Variants in RBBP8 observed in about 807,000 individuals in gnomAD.
RBBP8 encodes RB binding protein 8, endonuclease.
In RBBP8, 88 loss-of-function variants were observed where a neutral mutation model predicts 108.3. The observed-to-expected ratio is 0.81, with a 90% CI of 0.68 to 0.97. The LOEUF is 0.97. RBBP8 is among the 50% of genes least tolerant of loss of function. RBBP8 has a pLI of 0.00. For synonymous variants in RBBP8, 332 were observed against 348.2 expected, an observed-to-expected ratio of 0.95 and a Z score of 0.52; for missense variants, 1,023 against 1,049.0, an observed-to-expected ratio of 0.98 and a Z score of 0.34.
chr18:22,989,138 T>C, intron 8 of RBBP8, 83 bp from the exon 9 acceptor site: 2 of 972,570 alleles, frequency 2.1e-6, no homozygotes, highest in Non-Finnish European at 1.6e-6. Flanking sequence ...CCTTCATCTT[T>C]TGTCATTTTA....
At chr18:22,919,731 T>C (rs1391917470) in intron 3 of RBBP8, among the ~76,000 whole-genome samples, 1 of 152,092 alleles carries the variant, frequency 6.6e-6, no homozygotes, top group Non-Finnish European at 1.5e-5. Flanking sequence ...TTTGCATTTT[T>C]AGTACAGATG....
intron 5 of RBBP8, among the ~76,000 whole-genome samples, chr18:22,974,526 A>G (rs1283821820): frequency 6.6e-6 from 1 of 152,098 alleles, no homozygotes; most frequent in East Asian, 1.9e-4. Flanking sequence ...CAGTGGCACT[A>G]TTTTGGCTCA....
upstream of RBBP8, among the ~76,000 whole-genome samples, chr18:22,929,850 T>C (rs147799103): frequency 9.7e-3 from 1,470 of 151,886 alleles, 22 homozygotes; most frequent in African/African-American, 0.034. Flanking sequence ...GGACTGAAAA[T>C]AGTAAAGGTC....
intron 18 of RBBP8, among the ~76,000 whole-genome samples, chr18:23,023,484 CTA>C (rs1451239277): frequency 1.3e-5 from 2 of 152,146 alleles, no homozygotes; most frequent in Non-Finnish European, 2.9e-5. Context: ...AGTAATTTTT[CTA>C]TGTTACCAGC....
chr18:22,982,541 GTGAC>G (rs1395558804), intron 7 of RBBP8, 148 bp downstream of exon 7: 1 of 1,474,452 alleles, frequency 6.8e-7, no homozygotes, highest in Non-Finnish European at 9.1e-7. Flanking sequence ...TATTTGTAAA[GTGAC>G]TGAGAAGGCG....
chr18:22,951,518 G>C (rs1912036092), intron 4 of RBBP8, among the ~76,000 whole-genome samples: 1 of 152,134 alleles, frequency 6.6e-6, no homozygotes, highest in Non-Finnish European at 1.5e-5. Context: ...ACATGCTTCA[G>C]ACACCAGATG....
intron 2 of RBBP8, among the ~76,000 whole-genome samples, chr18:22,945,415 T>A (rs992655213): frequency 2.0e-5 from 3 of 152,144 alleles, no homozygotes; most frequent in Non-Finnish European, 4.4e-5. Flanking sequence ...CAGACGGAGT[T>A]TCGCTCTTGT....
At chr18:23,018,300 G>T (rs901364141) in intron 17 of RBBP8, among the ~76,000 whole-genome samples, 13 of 152,186 alleles carry the variant, frequency 8.5e-5, no homozygotes, top group Non-Finnish European at 1.6e-4. Context: ...CAGGTGATCT[G>T]CCCACCTTGG....
rs768802597 is a variant in RBBP8 at position 23,001,696 on chromosome 18, G to C, written c.2254G>C (p.Glu752Gln). The change falls in exon 15 of 19, where the codon GAG becomes CAG. Residue 752 changes from glutamate (E) to glutamine (Q), a missense_variant. Coordinates refer to ENST00000327155, the MANE Select transcript of RBBP8 (RefSeq NM_002894.3). Reference sequence around the variant, plus strand: ...TTTCTCCCAAGCAGCAGATGAAGAGGAGGAATTGTCTACTGCCACAAAGAA... The same window carrying C: ...TTTCTCCCAAGCAGCAGATGAAGAGCAGGAATTGTCTACTGCCACAAAGAA... Reference protein sequence around the residue: ...DSFSQAADEEEELSTATKKLH... With the variant: ...DSFSQAADEEQELSTATKKLH... 6.0e-5 allele frequency: 97 copies of C among 1,613,970 alleles called. No individual in the cohort carries two copies. The highest frequency in any genetic ancestry group is 7.7e-5 in the Non-Finnish European group (91 of 1,180,008).
At chr18:22,946,744 A>G (rs1911598350) in intron 3 of RBBP8, among the ~76,000 whole-genome samples, 1 of 152,108 alleles carries the variant, frequency 6.6e-6, no homozygotes, top group Non-Finnish European at 1.5e-5. Flanking sequence ...TACAACTTAC[A>G]TATGTAATCT....
intron 4 of RBBP8, among the ~76,000 whole-genome samples, chr18:22,966,719 CTTTT>C (rs796853895): frequency 7.8e-6 from 1 of 128,118 alleles, no homozygotes; most frequent in Non-Finnish European, 1.6e-5. Flanking sequence ...TACTTACTAT[CTTTT>C]TTTTTTTTTT....
intron 13 of RBBP8, among the ~76,000 whole-genome samples, chr18:22,997,195 T>TTAG (rs2045874464): frequency 1.3e-5 from 2 of 152,346 alleles, no homozygotes; most frequent in Admixed American, 6.5e-5. Flanking sequence ...TTTCAGAAGT[T>TTAG]CTCTTTCACT....
At chr18:22,963,383 CT>C in intron 4 of RBBP8, among the ~76,000 whole-genome samples, 1 of 152,122 alleles carries the variant, frequency 6.6e-6, no homozygotes, top group South Asian at 2.1e-4. Context: ...TGTAATTTTT[CT>C]TCCTATGCAA....
At position 22,990,548 on chromosome 18, in the gene RBBP8, CATAA is replaced by C. The variant is rs375794450; in HGVS notation, c.808-386_808-383del. Among the ~76,000 whole-genome samples the C allele has an allele frequency of 1.1e-4, 17 of 152,242 alleles. No homozygotes were observed. The East Asian group carries it at 3.3e-3, about 29-fold the overall frequency. ...TTTCATTGTGGTGAAATTAACATAA[CATAA>C]ATTAATTATTTTGAAGTGTACAACT... is the stretch of plus-strand genomic sequence containing the variant. On this transcript the variant is annotated intron_variant, in intron 9 of 18. Coordinates refer to ENST00000327155, the MANE Select transcript of RBBP8 (RefSeq NM_002894.3).
chr18:22,994,720 A>C (rs1017475623), intron 12 of RBBP8, among the ~76,000 whole-genome samples: 1 of 148,096 alleles, frequency 6.8e-6, no homozygotes, highest in Admixed American at 6.7e-5. Flanking sequence ...GCTATATTTT[A>C]TTATTATTAT....
chr18:22,944,185 T>C lies in RBBP8; in HGVS notation c.110-2259T>C, dbSNP rs139507162. Among the ~76,000 whole-genome samples the C allele has an allele frequency of 2.5e-3, 388 of 152,308 alleles. 1 individual carries two copies. Among genetic ancestry groups the C allele is most frequent in the African/African-American group, 9.0e-3 (375 of 41,574 alleles). On this transcript the variant is annotated intron_variant, in intron 2 of 18. Coordinates refer to ENST00000327155, the MANE Select transcript of RBBP8 (RefSeq NM_002894.3). Reference sequence around the variant, plus strand: ...CTTGGTGAATAGCAAATGCTAAAATTTAAACACACACACATATACACATAT... The same window carrying C: ...CTTGGTGAATAGCAAATGCTAAAATCTAAACACACACACATATACACATAT...
chr18:22,929,527 T>C (rs1363808042), upstream of RBBP8: 1 of 127,710 alleles, frequency 7.8e-6, no homozygotes. Flanking sequence ...CAGGCGGGTG[T>C]GTGTGTGTGT....
At chr18:22,982,978 T>A (rs1915045480) in intron 7 of RBBP8, among the ~76,000 whole-genome samples, 1 of 152,242 alleles carries the variant, frequency 6.6e-6, no homozygotes, top group African/African-American at 2.4e-5. Context: ...CCATTGGAGC[T>A]GTCTGTAACT....
intron 2 of RBBP8, among the ~76,000 whole-genome samples, chr18:22,941,725 A>G (rs1037376991): frequency 3.3e-5 from 5 of 152,066 alleles, no homozygotes; most frequent in African/African-American, 1.2e-4. Context: ...ACATTCCCAC[A>G]AAAGTTTCTA....
Sources: allele counts gnomAD v4.1 joint callset (sites outside exome capture counted in the v4.1 genomes callset), GRCh38; gene constraint gnomAD v4.1.1; transcripts MANE v1.5; gene names NCBI Gene and HGNC (gene_info 2026-07-23, HGNC 2026-07-21).